Variants in ZBTB41 observed in about 807,000 individuals in gnomAD.
ZBTB41 encodes the protein zinc finger and BTB domain containing 41.
In ZBTB41, 42 loss-of-function variants were observed where a neutral mutation model predicts 87.6. The ratio of observed to expected loss-of-function variants is 0.48; its 90% CI spans 0.37 to 0.62. ZBTB41 has a LOEUF of 0.62. Among genes scored for constraint, ZBTB41 ranks in the 20% least tolerant of loss-of-function variants. The pLI is 0.00. For missense variants in ZBTB41, 799 were observed against 1,078.9 expected, an observed-to-expected ratio of 0.74 and a Z score of 3.63; for synonymous variants, 364 against 364.0, an observed-to-expected ratio of 1.00 and a Z score of 0.00.
At chr1:197,195,979 C>T (rs548238362) in intron 2 of ZBTB41, among the ~76,000 whole-genome samples, 21 of 152,206 alleles carry the variant, frequency 1.4e-4, no homozygotes, top group Admixed American at 3.9e-4. Context: ...CCAAAGAAGC[C>T]AAGTTAGAAG....
At chr1:197,172,778 C>T (rs138175165) in intron 9 of ZBTB41, among the ~76,000 whole-genome samples, 125 of 152,074 alleles carry the variant, frequency 8.2e-4, no homozygotes, top group African/African-American at 2.8e-3. Flanking sequence ...AAAATAGATG[C>T]TCAGGCTGAT....
Position 197,197,309 on chromosome 1 carries a change from G to A in ZBTB41, c.1120+2045C>T, listed in dbSNP as rs536031885. Among the ~76,000 whole-genome samples, 6 of 151,814 alleles carry A rather than the reference G, an allele frequency of 4.0e-5. No homozygotes were observed. In the South Asian group the frequency reaches 1.0e-3, roughly 26 times the overall value. On this transcript the variant is annotated intron_variant, in intron 2 of 10. Transcript: ENST00000367405. ...CTATAACTCAGGCTTTTTAACTAGC[G>A]ATATATGAATAAGATATAGATAGAT...
At chr1:197,170,811 T>C (rs1010441495) in intron 10 of ZBTB41, among the ~76,000 whole-genome samples, 18 of 152,174 alleles carry the variant, frequency 1.2e-4, no homozygotes, top group African/African-American at 4.3e-4. Flanking sequence ...GACTCTTAGT[T>C]GCAAAGCCTA....
chr1:197,185,132 T>G (rs1659850608), intron 5 of ZBTB41, among the ~76,000 whole-genome samples: 1 of 152,182 alleles, frequency 6.6e-6, no homozygotes, highest in Admixed American at 6.6e-5. Context: ...TATTTATTCT[T>G]AATTAATTTT....
chr1:197,188,177 C>G, intron 5 of ZBTB41, 115 bp downstream of exon 5: 2 of 1,251,992 alleles, frequency 1.6e-6, no homozygotes, highest in Non-Finnish European at 2.2e-6. Context: ...AACCTAAAAC[C>G]ACTCTTAAAA....
intron 10 of ZBTB41, among the ~76,000 whole-genome samples, chr1:197,161,601 C>T (rs942485144): frequency 3.4e-5 from 2 of 59,628 alleles, no homozygotes; most frequent in Admixed American, 4.3e-4. Context: ...ATTAGAGAGG[C>T]AGTGAGACAT....
At chr1:197,178,989 T>C (rs1162035207) in intron 6 of ZBTB41, among the ~76,000 whole-genome samples, 1 of 152,110 alleles carries the variant, frequency 6.6e-6, no homozygotes. Flanking sequence ...GGAACCTATA[T>C]ACAGAATGTA....
rs889449621 is a variant in ZBTB41, at chr1:197,154,309, A to T, written c.*5050T>A. 1.3e-5 allele frequency: 2 copies of T among 152,406 alleles called. No homozygotes were observed. The highest frequency in any genetic ancestry group is 4.8e-5 in the African/African-American group (2 of 41,450). The allele number at this position is 152,406 out of a possible 1,614,324, so 9.4% of individuals were successfully genotyped here. Reference sequence around the variant, plus strand: ...CTTTTCTTTACCTAAGAATTTGACCAAACAAGGTTATATTCTTTGTATAAC... The same window carrying T: ...CTTTTCTTTACCTAAGAATTTGACCTAACAAGGTTATATTCTTTGTATAAC... On this transcript the variant is annotated 3_prime_UTR_variant, in exon 11 of 11. Coordinates refer to ENST00000367405, the MANE Select transcript of ZBTB41 (RefSeq NM_194314.3).
chr1:197,185,276 A>C (rs868338674), intron 5 of ZBTB41, among the ~76,000 whole-genome samples: 17 of 152,146 alleles, frequency 1.1e-4, no homozygotes, highest in Admixed American at 7.9e-4. Context: ...ATTTTTATCT[A>C]AGTTGTTAAC....
chr1:197,199,486 C>A lies in ZBTB41; in HGVS notation c.988G>T (p.Asp330Tyr). 1 of 1,613,090 alleles carries A rather than the reference C, an allele frequency of 6.2e-7. No homozygotes were observed. The part of the protein sequence containing the change: ...IEEQSEKDHN[D>Y]AEEEPEAGDS... Reference sequence around the variant, plus strand: ...CCAGCCTCAGGTTCTTCTTCTGCATCATTATGATCCTTTTCACTTTGTTCT... The same window carrying A: ...CCAGCCTCAGGTTCTTCTTCTGCATAATTATGATCCTTTTCACTTTGTTCT... Residue 330 changes from aspartate (D) to tyrosine (Y), a missense_variant, in exon 2 of 11, where the codon GAT becomes TAT. Asp to Tyr is a radical substitution (Grantham distance 160, BLOSUM62 -3). Coordinates refer to ENST00000367405, the MANE Select transcript of ZBTB41 (RefSeq NM_194314.3).
intron 4 of ZBTB41, among the ~76,000 whole-genome samples, chr1:197,189,800 A>G (rs1659980429): frequency 6.6e-6 from 1 of 152,204 alleles, no homozygotes; most frequent in Admixed American, 6.5e-5. Flanking sequence ...GCTATGCTAG[A>G]AAGAAGCTCA....
At chr1:197,194,997 TGTTTC>T (rs1406675718) in intron 2 of ZBTB41, among the ~76,000 whole-genome samples, 2 of 152,224 alleles carry the variant, frequency 1.3e-5, no homozygotes, top group African/African-American at 4.8e-5. Context: ...GTTTTTGTTT[TGTTTC>T]GTTTTGTTTT....
rs1226634120 is a variant in ZBTB41 at position 197,174,975 on chromosome 1, A to G, written c.1985+35T>C. Reference sequence around the variant, plus strand: ...ACAACTTTCCTCAGAGACTTAGCCAATGTAAACTATGAGACATTTTGCTTT... The same window carrying G: ...ACAACTTTCCTCAGAGACTTAGCCAGTGTAAACTATGAGACATTTTGCTTT... On this transcript the variant is annotated intron_variant, in intron 9 of 10. Coordinates refer to ENST00000367405, the MANE Select transcript of ZBTB41 (RefSeq NM_194314.3). 7 of 1,550,896 alleles carry G rather than the reference A, an allele frequency of 4.5e-6. No individual in the cohort carries two copies. In the African/African-American group the frequency reaches 9.6e-5, roughly 21 times the overall value.
intron 10 of ZBTB41, among the ~76,000 whole-genome samples, chr1:197,165,920 A>T (rs1204423401): frequency 1.3e-5 from 2 of 152,164 alleles, no homozygotes; most frequent in Non-Finnish European, 2.9e-5. Flanking sequence ...GGGACTGGCT[A>T]GACAGTGGGT....
At position 197,199,787 on chromosome 1, in the gene ZBTB41, G is replaced by A. The variant is rs146949784; in HGVS notation, c.687C>T (p.Thr229=). 121 of 1,612,586 alleles carry A rather than the reference G, an allele frequency of 7.5e-5. No individual in the cohort carries two copies. The African/African-American group carries it at 1.5e-3, about 20-fold the overall frequency. ...KKSLENHLAK[T]HRSLLLGKKH... is the part of the protein sequence containing the mutation. ...TTTTCCCTAATAAAAGGGACCTATG[G>A]GTTTTAGCCAAATGATTCTCTAAAG... Residue 229 remains threonine, a synonymous_variant, in exon 2 of 11, where the codon ACC becomes ACT. Coordinates refer to ENST00000367405, the MANE Select transcript of ZBTB41 (RefSeq NM_194314.3).
intron 2 of ZBTB41, among the ~76,000 whole-genome samples, chr1:197,198,480 T>C (rs1370004600): frequency 5.9e-5 from 9 of 152,130 alleles, no homozygotes; most frequent in African/African-American, 2.2e-4. Flanking sequence ...CCAGGTCAGA[T>C]TGCAGTAATT....
chr1:197,178,658 T>G (rs1659669869), intron 6 of ZBTB41, 146 bp from the exon 7 acceptor site: 1 of 519,496 alleles, frequency 1.9e-6, no homozygotes, highest in Non-Finnish European at 3.2e-6. Context: ...TTCTTTTCTA[T>G]TCTCACTAGT....
At chr1:197,199,283 T>G in intron 2 of ZBTB41, 71 bp downstream of exon 2, 11 of 1,386,382 alleles carry the variant, frequency 7.9e-6, no homozygotes, top group Non-Finnish European at 9.4e-6. Context: ...AGTTTAGTTT[T>G]TATTTATCAC....
At chr1:197,178,659 T>G in intron 6 of ZBTB41, 147 bp from the exon 7 acceptor site, 1 of 523,570 alleles carries the variant, frequency 1.9e-6, no homozygotes, top group Non-Finnish European at 3.2e-6. Flanking sequence ...TCTTTTCTAT[T>G]CTCACTAGTA....
Sources: allele counts gnomAD v4.1 joint callset (sites outside exome capture counted in the v4.1 genomes callset), GRCh38; gene constraint gnomAD v4.1.1; transcripts MANE v1.5; gene names NCBI Gene and HGNC (gene_info 2026-07-23, HGNC 2026-07-21).